The following NREP variants were observed in gnomAD, a reference collection of about 807,000 sequenced individuals.
NREP encodes neuronal regeneration-related protein.
In NREP, 5 loss-of-function variants were observed where a neutral mutation model predicts 8.6. The ratio of observed to expected loss-of-function variants is 0.58; its 90% CI spans 0.30 to 1.22. The LOEUF is 1.22. Among genes scored for constraint, NREP ranks in the 50% most tolerant of loss-of-function variants. The pLI, the probability that NREP is intolerant of heterozygous loss-of-function variation, is 0.07. For synonymous variants in NREP, 27 were observed against 28.0 expected (o/e 0.96, Z 0.11); for missense variants, 86 against 82.5 (o/e 1.04, Z -0.17).
chr5:111,773,115 T>C (rs1365079862), intron 2 of NREP, among the ~76,000 whole-genome samples: 1 of 152,112 alleles, frequency 6.6e-6, no homozygotes, highest in African/African-American at 2.4e-5. Context: ...CATATAACTT[T>C]CATTCAATTC....
intron 2 of NREP, among the ~76,000 whole-genome samples, chr5:111,894,119 TGAGGCAGGAGAATTTCCTGAACCCAG>T (rs1293021384): frequency 6.6e-6 from 1 of 151,934 alleles, no homozygotes; most frequent in Non-Finnish European, 1.5e-5. Flanking sequence ...CTCGGGAGGC[TGAGGCAGGAGAATTTCCTGAACCCAG>T]GAGGCAGAGG....
At chr5:111,943,076 C>A (rs1022666007) in intron 2 of NREP, among the ~76,000 whole-genome samples, 1 of 151,896 alleles carries the variant, frequency 6.6e-6, no homozygotes, top group Non-Finnish European at 1.5e-5. Context: ...CTCCTGTAGT[C>A]CTCTTTCCTT....
chr5:111,925,114 G>A (rs1016019978), intron 2 of NREP, among the ~76,000 whole-genome samples: 1 of 152,134 alleles, frequency 6.6e-6, no homozygotes, highest in African/African-American at 2.4e-5. Context: ...CAGCTCCAGT[G>A]TCCAGAAGGA....
At chr5:111,734,799 C>T (rs2112789626) in intron 3 of NREP, 1 of 684,538 alleles carries the variant, frequency 1.5e-6, no homozygotes, top group African/African-American at 1.8e-5. Flanking sequence ...TGAAGTCAAA[C>T]AAGTATTCAC....
At chr5:111,805,422 A>G (rs1399083029) in intron 2 of NREP, among the ~76,000 whole-genome samples, 1 of 152,250 alleles carries the variant, frequency 6.6e-6, no homozygotes, top group Non-Finnish European at 1.5e-5. Flanking sequence ...AAATGCCCGT[A>G]TACTGGAGAG....
At chr5:111,827,374 C>T (rs1752654020) in intron 2 of NREP, among the ~76,000 whole-genome samples, 1 of 152,198 alleles carries the variant, frequency 6.6e-6, no homozygotes, top group South Asian at 2.1e-4. Context: ...TTCTTAGTTC[C>T]ACTTCATTAA....
chr5:111,827,031 G>T (rs955066919), intron 2 of NREP, among the ~76,000 whole-genome samples: 18 of 152,160 alleles, frequency 1.2e-4, no homozygotes, highest in Non-Finnish European at 2.4e-4. Flanking sequence ...TTGGCAAATA[G>T]ATATTTTCTT....
chr5:111,837,168 T>C (rs1246166356), intron 2 of NREP, among the ~76,000 whole-genome samples: 5 of 152,106 alleles, frequency 3.3e-5, no homozygotes, highest in Non-Finnish European at 7.4e-5. Flanking sequence ...AAAGTCTGAC[T>C]CTAAACAGAA....
chr5:111,960,747 A>G (rs2112652333), intron 2 of NREP, among the ~76,000 whole-genome samples: 1 of 152,358 alleles, frequency 6.6e-6, no homozygotes, highest in South Asian at 2.1e-4. Context: ...TTCTCATTGT[A>G]TCTAAACTTA....
chr5:111,809,406 T>C (rs1458885880), intron 2 of NREP, among the ~76,000 whole-genome samples: 1 of 152,224 alleles, frequency 6.6e-6, no homozygotes. Context: ...TGTTGAAATT[T>C]GATCTCTAAT....
At chr5:111,741,824 T>TACACACAGACACACAG (rs138411321) in intron 2 of NREP, among the ~76,000 whole-genome samples, 1 of 73,488 alleles carries the variant, frequency 1.4e-5, no homozygotes, top group South Asian at 4.1e-4. Flanking sequence ...AACACACACA[T>TACACACAGACACACAG]ACACACACAC....
chr5:111,857,287 C>T (rs1288402240), intron 2 of NREP, among the ~76,000 whole-genome samples: 2 of 152,142 alleles, frequency 1.3e-5, no homozygotes, highest in African/African-American at 2.4e-5. Context: ...GGCCTTGGGG[C>T]CATGTGGTGC....
chr5:111,757,640 C>A, upstream of NREP: 3 of 983,174 alleles, frequency 3.1e-6, no homozygotes, highest in Non-Finnish European at 3.6e-6. Flanking sequence ...GCACCCGCGC[C>A]CCGGGCGCCC....
At position 111,926,867 on chromosome 5, in the gene NREP, C is replaced by G. The variant is rs911165022; in HGVS notation, c.135+48407G>C. ...GTGCTGCTCCTGGGTGCAAGTGTGA[C>G]TATTTCTGCCTGACCCACTCCTCTA... On this transcript the variant is annotated intron_variant, in intron 2 of 3. Coordinates refer to the NREP transcript ENST00000395634. Among the ~76,000 whole-genome samples, 7 of 151,560 alleles carry G rather than the reference C, an allele frequency of 4.6e-5. No individual in the cohort carries two copies. In the East Asian group the frequency reaches 1.4e-3, roughly 31 times the overall value.
intron 2 of NREP, among the ~76,000 whole-genome samples, chr5:111,879,617 A>G (rs1753997542): frequency 6.6e-6 from 1 of 152,166 alleles, no homozygotes; most frequent in Non-Finnish European, 1.5e-5. Context: ...TGCTAAATGA[A>G]TCTTTGTTGG....
intron 2 of NREP, among the ~76,000 whole-genome samples, chr5:111,794,534 G>A (rs1458064654): frequency 2.0e-5 from 3 of 152,166 alleles, no homozygotes; most frequent in Admixed American, 6.6e-5. Flanking sequence ...AGACGCGAAG[G>A]AAACTTGCAT....
rs574191595 is a variant in NREP at position 111,885,829 on chromosome 5, A to G, written c.135+89445T>C. 4.5e-4 allele frequency among the ~76,000 whole-genome samples: 69 copies of G among 152,254 alleles called. No homozygotes were observed. In the East Asian group the frequency reaches 0.013, roughly 29 times the overall value. On this transcript the variant is annotated intron_variant, in intron 2 of 3. Transcript: ENST00000395634. ...CTTATACAAAAATTAATTCAAGATG[A>G]ATTAAAGACTTAAACTTTAGACCTA...
chr5:111,862,332 T>C (rs144175611), intron 2 of NREP, among the ~76,000 whole-genome samples: 5 of 152,174 alleles, frequency 3.3e-5, no homozygotes, highest in Admixed American at 1.3e-4. Context: ...CAAAGACATA[T>C]GTCAGATAGC....
intron 2 of NREP, among the ~76,000 whole-genome samples, chr5:111,953,610 T>G (rs1756227419): frequency 6.6e-6 from 1 of 152,074 alleles, no homozygotes; most frequent in Non-Finnish European, 1.5e-5. Context: ...TAAAAAGACA[T>G]GGTCCCTGCC....
Sources: gnomAD v4.1 joint callset for allele counts (sites outside exome capture counted in the v4.1 genomes callset) on GRCh38, gnomAD v4.1.1 for gene constraint, MANE v1.5 for transcripts, NCBI Gene and HGNC (gene_info 2026-07-23, HGNC 2026-07-21) for gene names.